KLF8: variants seen among roughly 807,000 people sequenced by gnomAD.
KLF8 encodes Krueppel-like factor 8.
In KLF8, 10 loss-of-function variants were observed where a neutral mutation model predicts 18.2. That is an observed-to-expected ratio of 0.55 (90% CI 0.34 to 0.93). The LOEUF is 0.93. Among genes scored for constraint, KLF8 ranks in the 40% least tolerant of loss-of-function variants. The probability of loss-of-function intolerance (pLI) is 0.02; values close to 1 mark genes in which losing one functional copy is unlikely to be tolerated. For missense variants in KLF8, 264 were observed against 277.9 expected (o/e 0.95, Z 0.36); for synonymous variants, 109 against 97.3 (o/e 1.12, Z -0.71).
chrX:56,013,011 T>C, the KLF8 span, among the ~76,000 whole-genome samples: 2 of 111,223 alleles, frequency 1.8e-5, no homozygotes, highest in Admixed American at 9.5e-5. Context: ...TACAAAAACA[T>C]AGACCAATGG....
At chrX:55,947,878 G>T in the KLF8 span, among the ~76,000 whole-genome samples, 5 of 112,024 alleles carry the variant, frequency 4.5e-5, no homozygotes, top group Admixed American at 9.5e-5. Context: ...TATTTAAATA[G>T]TTTCTAGAAA....
chrX:56,132,679 T>A, the KLF8 span, among the ~76,000 whole-genome samples: 1 of 110,276 alleles, frequency 9.1e-6, no homozygotes, highest in East Asian at 2.8e-4. Flanking sequence ...AGAGCAGAAC[T>A]AAAAGAAATT....
the KLF8 span, among the ~76,000 whole-genome samples, chrX:55,926,553 T>C: frequency 9.0e-6 from 1 of 111,284 alleles, no homozygotes; most frequent in Non-Finnish European, 1.9e-5. Flanking sequence ...ATATTTACTT[T>C]CGTATTTGTT....
the KLF8 span, among the ~76,000 whole-genome samples, chrX:56,044,428 G>C: frequency 8.9e-6 from 1 of 112,445 alleles, no homozygotes; most frequent in South Asian, 3.7e-4. Flanking sequence ...GAACTACAGA[G>C]ATGTCAGCTT....
rs1296092124 is a variant in KLF8, at chrX:56,280,459, C to T, written c.899-3854C>T. On this transcript the variant is annotated intron_variant, in intron 5 of 5. Transcript: ENST00000468660. ...CTATGTTGCCCAGGTTGGTCTCGAA[C>T]TTCTGGACTCAAGTGATCCTCCCGC... Among the ~76,000 whole-genome samples the T allele has an allele frequency of 2.8e-4, 31 of 112,122 alleles. No homozygotes were observed. In the Admixed American group the frequency reaches 2.8e-3, roughly 10 times the overall value.
At chrX:56,170,808 A>T in the KLF8 span, among the ~76,000 whole-genome samples, 1 of 111,733 alleles carries the variant, frequency 8.9e-6, no homozygotes, top group East Asian at 2.8e-4. Context: ...CTAGAAAAAG[A>T]TATCAGTATA....
the KLF8 span, among the ~76,000 whole-genome samples, chrX:56,103,939 C>T: frequency 9.0e-6 from 1 of 111,216 alleles, no homozygotes; most frequent in Non-Finnish European, 1.9e-5. Flanking sequence ...TGAATTTTGT[C>T]AAAGGCCTTT....
the KLF8 span, among the ~76,000 whole-genome samples, chrX:56,151,833 GGAGAA>G: frequency 8.1e-5 from 9 of 111,408 alleles, no homozygotes; most frequent in Non-Finnish European, 1.7e-4. Context: ...CTTATTGGAG[GGAGAA>G]GAGAAAAGAG....
the KLF8 span, among the ~76,000 whole-genome samples, chrX:55,911,990 G>T: frequency 9.0e-6 from 1 of 111,673 alleles, no homozygotes; most frequent in Non-Finnish European, 1.9e-5. Context: ...AATTGGTTGG[G>T]GCACAGCTTG....
the KLF8 span, among the ~76,000 whole-genome samples, chrX:55,912,355 CCT>C: frequency 1.8e-5 from 2 of 111,329 alleles, no homozygotes; most frequent in African/African-American, 3.3e-5. Flanking sequence ...CTCACTGTGC[CCT>C]GTTTGTGAAA....
At chrX:56,144,833 C>T in the KLF8 span, among the ~76,000 whole-genome samples, 1 of 107,702 alleles carries the variant, frequency 9.3e-6, no homozygotes, top group Admixed American at 1.0e-4. Flanking sequence ...CGCTCTGTTG[C>T]CCAGGCTGGA....
chrX:56,163,613 A>G, the KLF8 span, among the ~76,000 whole-genome samples: 2 of 111,625 alleles, frequency 1.8e-5, no homozygotes, highest in Non-Finnish European at 3.8e-5. Flanking sequence ...TCATTAGTTG[A>G]TTTTTGATTT....
the KLF8 span, among the ~76,000 whole-genome samples, chrX:56,181,143 C>A: frequency 9.0e-6 from 1 of 111,448 alleles, no homozygotes; most frequent in African/African-American, 3.3e-5. Flanking sequence ...AATCTTGGTG[C>A]CTCTGTCTTG....
chrX:56,182,727 G>T, the KLF8 span, among the ~76,000 whole-genome samples: 3 of 112,688 alleles, frequency 2.7e-5, no homozygotes, highest in Non-Finnish European at 5.6e-5. Flanking sequence ...GAGTTTGTAG[G>T]AGGTCCCCTC....
chrX:56,265,451 A>G lies in KLF8; in HGVS notation c.353A>G (p.Gln118Arg), dbSNP rs374892798. 2 of 1,210,226 alleles carry G rather than the reference A, an allele frequency of 1.7e-6. No homozygotes were observed. Among genetic ancestry groups the G allele is most frequent in the Non-Finnish European group, 2.2e-6 (2 of 895,292 alleles). The stretch of plus-strand genomic sequence containing the variant: ...CCCCCCAAGCCACAGTCTTCTCCCC[A>G]GACCCTTGTGGTGTCCACGTCAACA... ...IRPPKPQSSP[Q>R]TLVVSTSTSD... The change falls in exon 3 of 6, where the codon CAG (glutamine) becomes CGG (arginine). Residue 118 changes from glutamine (Q) to arginine (R), a missense_variant. This residue lies in a region of KLF8 where 221 missense variants were observed against 193.6 expected (regional missense o/e 1.14). Transcript: ENST00000468660.
At chrX:56,185,587 T>C in the KLF8 span, among the ~76,000 whole-genome samples, 2 of 111,003 alleles carry the variant, frequency 1.8e-5, no homozygotes, top group African/African-American at 6.6e-5. Context: ...TTCTCCAAAG[T>C]TGAAATGAAG....
chrX:56,139,994 CA>C, the KLF8 span, among the ~76,000 whole-genome samples: 1 of 111,976 alleles, frequency 8.9e-6, no homozygotes, highest in African/African-American at 3.2e-5. Flanking sequence ...CAAAAGAAGA[CA>C]TATATGCAGC....
the KLF8 span, among the ~76,000 whole-genome samples, chrX:56,033,498 T>A: frequency 0.091 from 10,197 of 111,520 alleles, 1,150 homozygotes; most frequent in African/African-American, 0.32. Context: ...ACATCCCTTC[T>A]ACATACTAAT....
the KLF8 span, among the ~76,000 whole-genome samples, chrX:56,032,599 T>G: frequency 2.7e-5 from 3 of 112,268 alleles, no homozygotes; most frequent in Admixed American, 2.8e-4. Context: ...AGCCTTTTGA[T>G]TCTTGCTTCT....
Sources: allele counts gnomAD v4.1 joint callset (sites outside exome capture counted in the v4.1 genomes callset), GRCh38; gene constraint gnomAD v4.1.1; regional missense constraint gnomAD v4.1.1; transcripts MANE v1.5; gene names NCBI Gene and HGNC (gene_info 2026-07-23, HGNC 2026-07-21).